MYO5B: variants seen among roughly 807,000 people sequenced by gnomAD.
MYO5B encodes unconventional myosin-Vb.
A neutral mutation model predicts 229.3 loss-of-function variants in MYO5B; 143 were observed. That is an observed-to-expected ratio of 0.62 (90% CI 0.54 to 0.72). The LOEUF (loss-of-function observed/expected upper bound fraction) is 0.72, where lower values mean the gene tolerates loss of function less well. Among genes scored for constraint, MYO5B ranks in the 30% least tolerant of loss-of-function variants. The pLI is 0.00. For missense variants in MYO5B, 2,321 were observed against 2,331.0 expected (o/e 1.00, Z 0.09); for synonymous variants, 918 against 885.2 (o/e 1.04, Z -0.66).
Position 49,849,674 on chromosome 18 carries a change from A to C in MYO5B, c.4222-14T>G, listed in dbSNP as rs143450246. 23 of 1,599,552 alleles carry C rather than the reference A, an allele frequency of 1.4e-5. No individual in the cohort carries two copies. In the African/African-American group the frequency reaches 3.1e-4, roughly 21 times the overall value. ...TTCTTTAAGGTCCTGGAAGCAGAGG[A>C]AGCAGTGTGAGAACAGACATCAGCC... On this transcript the variant is annotated splice_polypyrimidine_tract_variant and intron_variant, in intron 31 of 39. Coordinates refer to ENST00000285039, the MANE Select transcript of MYO5B (RefSeq NM_001080467.3).
chr18:49,987,144 G>A (rs8088706), intron 7 of MYO5B, among the ~76,000 whole-genome samples: 4 of 152,080 alleles, frequency 2.6e-5, no homozygotes, highest in Non-Finnish European at 4.4e-5. Context: ...CCCGCCTTCC[G>A]AGATCCCAGT....
chr18:49,933,080 G>A (rs1281438230), intron 16 of MYO5B, among the ~76,000 whole-genome samples: 2 of 152,148 alleles, frequency 1.3e-5, no homozygotes, highest in Non-Finnish European at 2.9e-5. Flanking sequence ...TGTTAGAACC[G>A]AGCCCTACCT....
At chr18:50,141,863 G>A (rs1018822186) in intron 1 of MYO5B, among the ~76,000 whole-genome samples, 1 of 152,140 alleles carries the variant, frequency 6.6e-6, no homozygotes, top group Non-Finnish European at 1.5e-5. Flanking sequence ...CCCATTCCCT[G>A]CCTCACCTCT....
chr18:50,081,717 AAC>A (rs2031225849), intron 1 of MYO5B, among the ~76,000 whole-genome samples: 1 of 126,232 alleles, frequency 7.9e-6, no homozygotes, highest in African/African-American at 4.0e-5. Context: ...AGTAACATTT[AAC>A]ATTCAACATT....
chr18:49,948,012 G>A (rs1787536), intron 14 of MYO5B, among the ~76,000 whole-genome samples: 35,303 of 151,962 alleles, frequency 0.23, 5,850 homozygotes, highest in African/African-American at 0.47. Flanking sequence ...ATCTACATAC[G>A]TAACAAACCT....
intron 1 of MYO5B, among the ~76,000 whole-genome samples, chr18:50,147,178 T>C (rs577280754): frequency 7.2e-5 from 11 of 152,308 alleles, no homozygotes; most frequent in Non-Finnish European, 1.5e-4. Flanking sequence ...TTCCACAAGC[T>C]TCTCAGCCCA....
chr18:50,009,205 C>T (rs2026135966), intron 4 of MYO5B, among the ~76,000 whole-genome samples: 1 of 152,070 alleles, frequency 6.6e-6, no homozygotes, highest in Non-Finnish European at 1.5e-5. Flanking sequence ...TGGTGAAACC[C>T]CATCTCTACT....
chr18:49,856,218 C>A (rs898174718), intron 30 of MYO5B, among the ~76,000 whole-genome samples: 1 of 152,140 alleles, frequency 6.6e-6, no homozygotes, highest in Non-Finnish European at 1.5e-5. Context: ...TTCCTTAAAC[C>A]CTCCGGGCTT....
At chr18:49,961,763 C>T (rs754771229) in intron 12 of MYO5B, among the ~76,000 whole-genome samples, 1 of 152,184 alleles carries the variant, frequency 6.6e-6, no homozygotes, top group Non-Finnish European at 1.5e-5. Flanking sequence ...TGCTGCCAGG[C>T]ACTCTCCAGG....
At chr18:50,071,311 A>G (rs983070374) in intron 1 of MYO5B, among the ~76,000 whole-genome samples, 3 of 152,190 alleles carry the variant, frequency 2.0e-5, no homozygotes, top group East Asian at 1.9e-4. Flanking sequence ...TGTTTTTACT[A>G]TAACAGCCTT....
chr18:49,884,767 T>C (rs1348492900), intron 22 of MYO5B, among the ~76,000 whole-genome samples: 2 of 152,012 alleles, frequency 1.3e-5, no homozygotes, highest in Non-Finnish European at 2.9e-5. Flanking sequence ...ATAGCATGAG[T>C]ATATAAAAAT....
At chr18:50,082,292 G>A (rs1209996768) in intron 1 of MYO5B, among the ~76,000 whole-genome samples, 1 of 152,200 alleles carries the variant, frequency 6.6e-6, no homozygotes, top group Admixed American at 6.5e-5. Flanking sequence ...CCAGGCCTCA[G>A]CCTTATACTA....
intron 4 of MYO5B, among the ~76,000 whole-genome samples, chr18:50,022,647 T>A (rs2026289073): frequency 6.6e-6 from 1 of 152,206 alleles, no homozygotes; most frequent in Admixed American, 6.5e-5. Context: ...AAAAGTTTGT[T>A]AGATTCCTAC....
intron 14 of MYO5B, among the ~76,000 whole-genome samples, chr18:49,939,386 C>T (rs1045688969): frequency 3.3e-5 from 5 of 152,020 alleles, no homozygotes; most frequent in Non-Finnish European, 5.9e-5. Flanking sequence ...CCTCGTGATC[C>T]GCCCGCCTCG....
rs76877492 is a variant in MYO5B at position 49,828,066 on chromosome 18, C to T, written c.5395-1443G>A. On this transcript the variant is annotated intron_variant, in intron 39 of 39. Coordinates refer to ENST00000285039, the MANE Select transcript of MYO5B (RefSeq NM_001080467.3). ...AGAACCTATAGATAGAAAAAGTTGT[C>T]CCTCCATAACTACAGGTTCTGCATC... Among the ~76,000 whole-genome samples the T allele has an allele frequency of 3.8e-3, 585 of 152,234 alleles. 3 individuals carry two copies. The highest frequency in any genetic ancestry group is 0.013 in the African/African-American group (554 of 41,546).
In MYO5B at chr18:50,048,206, C is replaced by A. The variant is rs114047842; in HGVS notation, c.138+7062G>T. 3.6e-3 allele frequency among the ~76,000 whole-genome samples: 542 copies of A among 151,152 alleles called. 8 individuals carry two copies. The highest frequency in any genetic ancestry group is 0.013 in the African/African-American group (533 of 40,726). On this transcript the variant is annotated intron_variant, in intron 2 of 39. Coordinates refer to ENST00000285039, the MANE Select transcript of MYO5B (RefSeq NM_001080467.3). Reference sequence around the variant, plus strand: ...GTTTTATCACCATCTTCTCCAATCCCCAGAAAGCTTATTCTCCTTAAAGAG... The same window carrying A: ...GTTTTATCACCATCTTCTCCAATCCACAGAAAGCTTATTCTCCTTAAAGAG...
At chr18:49,972,147 G>C (rs2025698903) in intron 10 of MYO5B, among the ~76,000 whole-genome samples, 1 of 152,148 alleles carries the variant, frequency 6.6e-6, no homozygotes, top group African/African-American at 2.4e-5. Flanking sequence ...AGTCCTCCAG[G>C]TTGCCACCCC....
chr18:49,926,959 C>T (rs1327017000), intron 17 of MYO5B, among the ~76,000 whole-genome samples: 2 of 152,148 alleles, frequency 1.3e-5, no homozygotes, highest in Admixed American at 6.5e-5. Context: ...TATGAGGTTC[C>T]TGGGATCACC....
intron 22 of MYO5B, among the ~76,000 whole-genome samples, chr18:49,885,139 C>T (rs533662215): frequency 6.6e-6 from 1 of 152,238 alleles, no homozygotes; most frequent in South Asian, 2.1e-4. Context: ...GGCAGATACC[C>T]AAGATAAATG....
Sources: gnomAD v4.1 joint callset for allele counts (sites outside exome capture counted in the v4.1 genomes callset) on GRCh38, gnomAD v4.1.1 for gene constraint, MANE v1.5 for transcripts, NCBI Gene and HGNC (gene_info 2026-07-23, HGNC 2026-07-21) for gene names.